The following RANBP17 variants were observed in gnomAD, a reference collection of about 807,000 sequenced individuals.
The protein encoded by RANBP17 is RAN binding protein 17, also known as ran-binding protein 17.
A neutral mutation model predicts 141.2 loss-of-function variants in RANBP17; 158 were observed. The ratio of observed to expected loss-of-function variants is 1.12; its 90% CI spans 0.98 to 1.28. The LOEUF (loss-of-function observed/expected upper bound fraction) is 1.28, where lower values mean the gene tolerates loss of function less well. Among genes scored for constraint, RANBP17 ranks in the 50% most tolerant of loss-of-function variants. The pLI is 0.00. For synonymous variants in RANBP17, 430 were observed against 450.0 expected, an observed-to-expected ratio of 0.96 and a Z score of 0.56; for missense variants, 1,438 against 1,290.7, an observed-to-expected ratio of 1.11 and a Z score of -1.75.
chr5:171,191,766 C>A (rs962515590), intron 18 of RANBP17, among the ~76,000 whole-genome samples: 5 of 152,234 alleles, frequency 3.3e-5, no homozygotes, highest in Non-Finnish European at 5.9e-5. Context: ...TGTAGTGGCC[C>A]TCTGACCACA....
chr5:170,914,273 A>G lies in RANBP17; in HGVS notation c.834+33A>G, dbSNP rs763820073. 3.6e-6 allele frequency: 5 copies of G among 1,389,704 alleles called. No homozygotes were observed. In the African/African-American group the frequency reaches 7.1e-5, roughly 20 times the overall value. 86.1% of individuals were successfully genotyped at this position (1,389,704 alleles called of 1,614,324 possible). A position where few individuals can be genotyped will look rare whatever the true frequency, so the allele number is the denominator to read the frequency against. Reference sequence around the variant, plus strand: ...AAAGTCATTCGTTATTTCGTTAAAAAATACCTGTGTAAATAAGGGGTGGTA... The same window carrying G: ...AAAGTCATTCGTTATTTCGTTAAAAGATACCTGTGTAAATAAGGGGTGGTA... On this transcript the variant is annotated intron_variant, in intron 8 of 27. Coordinates refer to ENST00000523189, the MANE Select transcript of RANBP17 (RefSeq NM_022897.5).
intron 13 of RANBP17, among the ~76,000 whole-genome samples, chr5:170,955,640 TG>T (rs1389339646): frequency 4.7e-5 from 2 of 42,506 alleles, no homozygotes; most frequent in Non-Finnish European, 8.3e-5. Flanking sequence ...TATATATATA[TG>T]CTCAGTGTAT....
chr5:171,162,520 T>C (rs772448250), intron 14 of RANBP17, among the ~76,000 whole-genome samples: 7 of 152,122 alleles, frequency 4.6e-5, no homozygotes, highest in Non-Finnish European at 7.4e-5. Flanking sequence ...CTAGATCTGC[T>C]TGGGGGTGGG....
intron 14 of RANBP17, among the ~76,000 whole-genome samples, chr5:170,988,922 A>C (rs2127561632): frequency 6.6e-6 from 1 of 151,908 alleles, no homozygotes; most frequent in South Asian, 2.1e-4. Context: ...ACCAGTTTGT[A>C]AGATGAAGAT....
At position 171,089,205 on chromosome 5, in the gene RANBP17, G is replaced by A. The variant is rs539985547; in HGVS notation, c.1711-80925G>A. ...CAGGACCCTCAGCTGCAGGTCTGTT[G>A]GAATACCCTGCAGTGTGAGGTGTCA... On this transcript the variant is annotated intron_variant, in intron 14 of 27. Coordinates refer to ENST00000523189, the MANE Select transcript of RANBP17 (RefSeq NM_022897.5). Among the ~76,000 whole-genome samples, 205 of 137,262 alleles carry A rather than the reference G, an allele frequency of 1.5e-3. 1 individual carries two copies. The highest frequency in any genetic ancestry group is 7.6e-3 in the Middle Eastern group (2 of 262). The allele number at this position is 137,262 out of a possible 152,430, so 90.0% of individuals were successfully genotyped here.
intron 14 of RANBP17, among the ~76,000 whole-genome samples, chr5:171,057,969 A>G (rs1188094698): frequency 2.0e-5 from 3 of 152,054 alleles, no homozygotes; most frequent in Admixed American, 6.6e-5. Flanking sequence ...ACCATATCAT[A>G]TATTTTCATA....
At chr5:171,184,952 C>T (rs910435461) in intron 18 of RANBP17, among the ~76,000 whole-genome samples, 1 of 152,132 alleles carries the variant, frequency 6.6e-6, no homozygotes, top group Admixed American at 6.6e-5. Context: ...CACCTGAGGT[C>T]AGGAGTTCGA....
chr5:171,110,693 A>G (rs913987312), intron 14 of RANBP17, among the ~76,000 whole-genome samples: 1 of 152,192 alleles, frequency 6.6e-6, no homozygotes, highest in Admixed American at 6.5e-5. Flanking sequence ...CCAAAAGGTT[A>G]TATACTAGGT....
At chr5:170,893,435 TA>T (rs1284739287) in intron 4 of RANBP17, among the ~76,000 whole-genome samples, 5 of 152,030 alleles carry the variant, frequency 3.3e-5, no homozygotes, top group South Asian at 2.1e-4. Flanking sequence ...TATATGTATA[TA>T]TTTTTTCATA....
chr5:171,220,441 CT>C (rs1173697219), intron 21 of RANBP17, among the ~76,000 whole-genome samples: 6,117 of 73,126 alleles, frequency 0.084, 63 homozygotes, highest in Non-Finnish European at 0.093. Flanking sequence ...CCAGATGATT[CT>C]TTTTTTTTTT....
chr5:170,942,914 A>G (rs1026798923), intron 12 of RANBP17, among the ~76,000 whole-genome samples: 1 of 152,232 alleles, frequency 6.6e-6, no homozygotes, highest in African/African-American at 2.4e-5. Context: ...ACATAGGACT[A>G]TCTCTTGAAT....
At chr5:171,138,041 GTTAT>G (rs1757438356) in intron 14 of RANBP17, among the ~76,000 whole-genome samples, 1 of 151,720 alleles carries the variant, frequency 6.6e-6, no homozygotes, top group Non-Finnish European at 1.5e-5. Flanking sequence ...TCAAAAGTCA[GTTAT>G]TTCTTTTAGA....
chr5:171,298,742 C>CT lies in RANBP17; in HGVS notation c.3171-17dup, dbSNP rs774059755. The CT allele has an allele frequency of 3.1e-6, 5 of 1,599,236 alleles. No homozygotes were observed. The highest frequency in any genetic ancestry group is 1.7e-5 in the Admixed American group (1 of 59,988). On this transcript the variant is annotated intron_variant, in intron 27 of 27. Transcript: ENST00000523189. ...CTTTGCCTCATTACTACCCTTGACC[C>CT]TTTCTTCCTCTTTCTGCAGGTTCAC...
At chr5:171,271,482 A>C in intron 25 of RANBP17, 1 of 210,178 alleles carries the variant, frequency 4.8e-6, no homozygotes, top group Admixed American at 5.9e-5. Context: ...CCTTAGCAAG[A>C]CTATTACAGT....
At chr5:171,251,361 T>A (rs1257626424) in intron 24 of RANBP17, among the ~76,000 whole-genome samples, 1 of 152,114 alleles carries the variant, frequency 6.6e-6, no homozygotes, top group Non-Finnish European at 1.5e-5. Flanking sequence ...ATTACAGGCA[T>A]GAGCCACCGC....
intron 14 of RANBP17, among the ~76,000 whole-genome samples, chr5:171,057,004 A>T (rs543064981): frequency 6.6e-6 from 1 of 152,168 alleles, no homozygotes; most frequent in Non-Finnish European, 1.5e-5. Context: ...CCTTTGCGTT[A>T]GTGCACTATT....
chr5:171,229,130 C>T (rs1395359489), intron 22 of RANBP17, among the ~76,000 whole-genome samples: 1 of 152,176 alleles, frequency 6.6e-6, no homozygotes, highest in African/African-American at 2.4e-5. Flanking sequence ...CAAAAAATAA[C>T]AGTTCTCGAG....
At chr5:171,098,503 A>G (rs1257749228) in intron 14 of RANBP17, among the ~76,000 whole-genome samples, 1 of 151,906 alleles carries the variant, frequency 6.6e-6, no homozygotes, top group Non-Finnish European at 1.5e-5. Context: ...TTTCTTGTAA[A>G]TTTGTTTAAG....
chr5:171,037,857 A>G (rs1343748015), intron 14 of RANBP17, among the ~76,000 whole-genome samples: 1 of 151,944 alleles, frequency 6.6e-6, no homozygotes, highest in Non-Finnish European at 1.5e-5. Flanking sequence ...TAATGTGATG[A>G]ATGCCTCCAG....
Sources: allele counts gnomAD v4.1 joint callset (sites outside exome capture counted in the v4.1 genomes callset), GRCh38; gene constraint gnomAD v4.1.1; transcripts MANE v1.5; gene names NCBI Gene and HGNC (gene_info 2026-07-23, HGNC 2026-07-21).